Variants in APBA2 observed in about 807,000 individuals in gnomAD.
APBA2 encodes amyloid-beta A4 precursor protein-binding family A member 2.
A neutral mutation model predicts 75.0 loss-of-function variants in APBA2; 30 were observed. The observed-to-expected ratio is 0.40, with a 90% CI of 0.30 to 0.54. The LOEUF is 0.54. Ranked by LOEUF, APBA2 falls within the 20% of genes least tolerant of loss-of-function variation. APBA2 has a pLI of 0.49. For synonymous variants in APBA2, 444 were observed against 409.6 expected (o/e 1.08, Z -1.01); for missense variants, 801 against 1,016.1 (o/e 0.79, Z 2.88).
Position 29,117,276 on chromosome 15 carries a change from C to G in APBA2, c.*143C>G. 1 of 712,016 alleles carries G rather than the reference C, an allele frequency of 1.4e-6. No homozygotes were observed. The highest frequency in any genetic ancestry group is 2.4e-6 in the Non-Finnish European group (1 of 413,540). 44.1% of individuals were successfully genotyped at this position (712,016 alleles called of 1,614,324 possible). On this transcript the variant is annotated 3_prime_UTR_variant, in exon 15 of 15. Coordinates refer to ENST00000683413, the MANE Select transcript of APBA2 (RefSeq NM_001353788.2). ...TCCCCAAAGGGTGTGCCCTCACCAC[C>G]CACTTGATTTTTTTCATTTTGCCAA...
intron 2 of APBA2, among the ~76,000 whole-genome samples, chr15:28,982,069 AC>A (rs1321974995): frequency 1.4e-4 from 22 of 152,336 alleles, no homozygotes; most frequent in Admixed American, 1.4e-3. Context: ...TACCTGGATG[AC>A]GGGATTAATC....
intron 2 of APBA2, among the ~76,000 whole-genome samples, chr15:28,979,571 C>T (rs1213749121): frequency 6.6e-6 from 1 of 152,206 alleles, no homozygotes; most frequent in Non-Finnish European, 1.5e-5. Context: ...TTCTTCCTGT[C>T]AGTTCCTCCC....
chr15:28,901,896 G>A (rs925898096), intron 1 of APBA2, among the ~76,000 whole-genome samples: 8 of 143,072 alleles, frequency 5.6e-5, no homozygotes, highest in Admixed American at 1.4e-4. Flanking sequence ...CCCTGCCCTC[G>A]GGGAGCTTTT....
intron 6 of APBA2, among the ~76,000 whole-genome samples, chr15:29,081,864 G>A (rs926978987): frequency 4.6e-5 from 7 of 152,260 alleles, no homozygotes; most frequent in African/African-American, 1.7e-4. Context: ...ACGCCTTTGT[G>A]TTTGGGTGTG....
intron 4 of APBA2, among the ~76,000 whole-genome samples, chr15:29,066,067 G>T (rs2042368438): frequency 6.6e-6 from 1 of 152,192 alleles, no homozygotes; most frequent in African/African-American, 2.4e-5. Context: ...CCATGTGCTT[G>T]CAGGTGGCCT....
chr15:28,904,037 C>T (rs1170994833), intron 1 of APBA2, among the ~76,000 whole-genome samples: 2 of 152,182 alleles, frequency 1.3e-5, no homozygotes, highest in African/African-American at 4.8e-5. Context: ...CTTCATATGC[C>T]TCAACTCAGC....
At position 29,117,160 on chromosome 15, in the gene APBA2, G is replaced by GGAC. The variant is rs1567040316; in HGVS notation, c.*28_*30dup. 6.2e-7 allele frequency: 1 copy of GGAC among 1,611,546 alleles called. No homozygotes were observed. The highest frequency in any genetic ancestry group is 1.3e-5 in the African/African-American group (1 of 75,026). ...CCACCCCAGCCTGGCCACGCAGCCAGGACACCGGGCAGGGCCGCCCGGGCC... is the reference window on the plus strand; with the variant it reads ...CCACCCCAGCCTGGCCACGCAGCCAGGACGACACCGGGCAGGGCCGCCCGGGCC... On this transcript the variant is annotated 3_prime_UTR_variant, in exon 15 of 15. Transcript: ENST00000683413.
chr15:29,107,202 G>A (rs2044464941), intron 12 of APBA2, among the ~76,000 whole-genome samples: 2 of 152,190 alleles, frequency 1.3e-5, no homozygotes. Flanking sequence ...CAGTGCTGGT[G>A]GGCTGGGGAG....
In APBA2 at chr15:28,927,822, G is replaced by A. The variant is rs140444117; in HGVS notation, c.-95+6073G>A. Among the ~76,000 whole-genome samples the A allele has an allele frequency of 9.5e-4, 145 of 151,938 alleles. 1 individual carries two copies. The highest frequency in any genetic ancestry group is 3.3e-3 in the African/African-American group (138 of 41,464). ...TATTTTCAGCCATGTTGATGAGCCC[G>A]TCAAAGGCATTCTTCATTTCTGTTA... On this transcript the variant is annotated intron_variant, in intron 2 of 14. Transcript: ENST00000683413.
intron 1 of APBA2, among the ~76,000 whole-genome samples, chr15:28,897,724 A>G (rs2032593165): frequency 6.6e-6 from 1 of 152,168 alleles, no homozygotes; most frequent in Non-Finnish European, 1.5e-5. Flanking sequence ...CATTCGTACA[A>G]CTGCTTTGGG....
At chr15:28,971,531 A>G (rs902181878) in intron 2 of APBA2, among the ~76,000 whole-genome samples, 2 of 152,160 alleles carry the variant, frequency 1.3e-5, no homozygotes, top group Non-Finnish European at 2.9e-5. Context: ...ACTCAGGAAT[A>G]AAAGAGAGGG....
At chr15:28,945,603 C>T (rs149871561) in intron 2 of APBA2, among the ~76,000 whole-genome samples, 16 of 151,500 alleles carry the variant, frequency 1.1e-4, no homozygotes, top group African/African-American at 3.6e-4. Context: ...ACTGCAACCT[C>T]GGCCTCCCAA....
intron 2 of APBA2, among the ~76,000 whole-genome samples, chr15:28,949,873 T>C (rs1010128218): frequency 6.6e-6 from 1 of 152,160 alleles, no homozygotes; most frequent in African/African-American, 2.4e-5. Flanking sequence ...CAGTCTTCTC[T>C]CTCGTTAACA....
At chr15:28,971,448 C>T (rs1483613004) in intron 2 of APBA2, among the ~76,000 whole-genome samples, 2 of 152,138 alleles carry the variant, frequency 1.3e-5, no homozygotes, top group South Asian at 4.1e-4. Flanking sequence ...CCATCAGGAC[C>T]GGGCACAGGA....
At chr15:29,009,993 G>A (rs903903049) in intron 3 of APBA2, among the ~76,000 whole-genome samples, 4 of 152,056 alleles carry the variant, frequency 2.6e-5, no homozygotes, top group African/African-American at 9.7e-5. Flanking sequence ...TTTTTCTGAC[G>A]TGATTGTACC....
chr15:28,992,276 T>C (rs528688420), intron 2 of APBA2, among the ~76,000 whole-genome samples: 1 of 152,292 alleles, frequency 6.6e-6, no homozygotes, highest in South Asian at 2.1e-4. Flanking sequence ...TTCTGGATCT[T>C]GGACCCCCTC....
Position 29,101,743 on chromosome 15 carries a change from A to C in APBA2, c.1483A>C (p.Lys495Gln). 3.1e-6 allele frequency: 5 copies of C among 1,613,670 alleles called. No homozygotes were observed. Among genetic ancestry groups the C allele is most frequent in the Non-Finnish European group, 3.4e-6 (4 of 1,180,038 alleles). Reference sequence around the variant, plus strand: ...CACGCCCGGGGCCCAGGAAGGCAAGAAGCAGTATAAGATGATCTGCCATGT... The same window carrying C: ...CACGCCCGGGGCCCAGGAAGGCAAGCAGCAGTATAAGATGATCTGCCATGT... Reference protein sequence around the residue: ...ETTPGAQEGKKQYKMICHVFE... With the variant: ...ETTPGAQEGKQQYKMICHVFE... The change falls in exon 10 of 15, where the codon AAG (lysine) becomes CAG (glutamine). Residue 495 changes from lysine (K) to glutamine (Q), a missense_variant. By Grantham distance (53) the Lys-to-Gln change is moderately conservative. Coordinates refer to ENST00000683413, the MANE Select transcript of APBA2 (RefSeq NM_001353788.2).
chr15:29,025,020 C>T (rs2040144489), intron 3 of APBA2, among the ~76,000 whole-genome samples: 1 of 152,156 alleles, frequency 6.6e-6, no homozygotes, highest in African/African-American at 2.4e-5. Context: ...ATCCAACCCA[C>T]CAAAGCATGT....
intron 2 of APBA2, among the ~76,000 whole-genome samples, chr15:28,935,014 T>A (rs2034777784): frequency 6.6e-6 from 1 of 152,184 alleles, no homozygotes; most frequent in African/African-American, 2.4e-5. Flanking sequence ...CTATAATCCA[T>A]GAATGATGCC....
Sources: gnomAD v4.1 joint callset for allele counts (sites outside exome capture counted in the v4.1 genomes callset) on GRCh38, gnomAD v4.1.1 for gene constraint, MANE v1.5 for transcripts, NCBI Gene and HGNC (gene_info 2026-07-23, HGNC 2026-07-21) for gene names.